Variants in MATN2 observed in about 807,000 individuals in gnomAD.
MATN2 encodes the protein matrilin-2.
A neutral mutation model predicts 103.2 loss-of-function variants in MATN2; 69 were observed. The observed-to-expected ratio is 0.67, with a 90% CI of 0.55 to 0.82. MATN2 has a LOEUF of 0.82. MATN2 is among the 40% of genes least tolerant of loss of function. The pLI is 0.00. For missense variants in MATN2, 1,023 were observed against 1,211.5 expected (o/e 0.84, Z 2.31); for synonymous variants, 429 against 450.2 (o/e 0.95, Z 0.60).
At chr8:97,875,546 C>G (rs919445943) in intron 1 of MATN2, among the ~76,000 whole-genome samples, 7 of 152,152 alleles carry the variant, frequency 4.6e-5, no homozygotes, top group African/African-American at 1.7e-4. Context: ...CCCATAGCCC[C>G]CTTTGGACCC....
chr8:97,915,407 T>C (rs967418487), intron 2 of MATN2, among the ~76,000 whole-genome samples: 2 of 152,214 alleles, frequency 1.3e-5, no homozygotes, highest in African/African-American at 4.8e-5. Flanking sequence ...AAAGAGGGGA[T>C]TCCTGCAATG....
rs755755140 is a variant in MATN2, at chr8:98,016,573, G to T, written c.1607G>T (p.Cys536Phe). 2 of 1,610,928 alleles carry T rather than the reference G, an allele frequency of 1.2e-6. No homozygotes were observed. Among genetic ancestry groups the T allele is most frequent in the Non-Finnish European group, 1.7e-6 (2 of 1,178,408 alleles). Residue 536 changes from cysteine (C) to phenylalanine (F), a missense_variant, in exon 11 of 19, where the codon TGT (cysteine) becomes TTT (phenylalanine). Transcript: ENST00000254898. ...TCTTGTGCTCTGGGGGACCACGGTT[G>T]TGAACATTCGTGTGTAAGCAGTGAA... ...LDSCALGDHG[C>F]EHSCVSSEDS...
At position 98,021,349 on chromosome 8, in the gene MATN2, C is replaced by T. The variant is rs765742249; in HGVS notation, c.1942+22C>T. ...AAGAGTAAGTGATCTGAACTTGGCT[C>T]TCTGCTTTAATTTTGTTTTGGAGCA... On this transcript the variant is annotated intron_variant, in intron 13 of 18. Transcript: ENST00000254898. 6 of 1,606,376 alleles carry T rather than the reference C, an allele frequency of 3.7e-6. No individual in the cohort carries two copies. In the East Asian group the frequency reaches 1.3e-4, roughly 36 times the overall value.
chr8:98,026,240 C>CT (rs1225744671), intron 13 of MATN2, among the ~76,000 whole-genome samples: 111 of 139,748 alleles, frequency 7.9e-4, no homozygotes, highest in African/African-American at 2.7e-3. Flanking sequence ...ATGGTGATAA[C>CT]TTTTTTTTTA....
intron 2 of MATN2, among the ~76,000 whole-genome samples, chr8:97,891,568 G>A (rs1013011177): frequency 2.0e-5 from 3 of 151,900 alleles, no homozygotes; most frequent in Non-Finnish European, 4.4e-5. Flanking sequence ...GAACTCCTGG[G>A]CTCAAGCGAT....
intron 2 of MATN2, among the ~76,000 whole-genome samples, chr8:97,912,297 G>A (rs1236234421): frequency 1.3e-5 from 2 of 152,172 alleles, no homozygotes; most frequent in South Asian, 2.1e-4. Context: ...ATTTGCAGAA[G>A]AGCCTAGAAA....
At chr8:97,875,690 G>GTTTTTTTTTTTTTT (rs763539274) in intron 1 of MATN2, among the ~76,000 whole-genome samples, 3 of 82,034 alleles carry the variant, frequency 3.7e-5, no homozygotes, top group Non-Finnish European at 4.4e-5. Flanking sequence ...GTATTTGCCT[G>GTTTTTTTTTTTTTT]TTTTTTTTTT....
At chr8:97,960,249 G>T (rs1474442136) in intron 4 of MATN2, among the ~76,000 whole-genome samples, 1 of 152,150 alleles carries the variant, frequency 6.6e-6, no homozygotes, top group East Asian at 1.9e-4. Flanking sequence ...GAGCTACCAC[G>T]CCCGGCCAGT....
chr8:97,926,753 G>T (rs1810001865), intron 2 of MATN2, among the ~76,000 whole-genome samples: 1 of 152,202 alleles, frequency 6.6e-6, no homozygotes, highest in Admixed American at 6.5e-5. Flanking sequence ...ATCTCCTCTA[G>T]AACATTTTGG....
intron 3 of MATN2, among the ~76,000 whole-genome samples, chr8:97,933,267 G>A (rs1810258523): frequency 6.6e-6 from 1 of 152,182 alleles, no homozygotes; most frequent in Non-Finnish European, 1.5e-5. Flanking sequence ...AAGTCAGCTG[G>A]AACACTTCAA....
At chr8:98,011,475 G>A (rs1813158098) in intron 10 of MATN2, among the ~76,000 whole-genome samples, 1 of 152,214 alleles carries the variant, frequency 6.6e-6, no homozygotes, top group Admixed American at 6.5e-5. Flanking sequence ...CCTGGTCGGG[G>A]AGTCAGTGGC....
At chr8:97,943,597 CTGAG>C (rs1810647742) in intron 4 of MATN2, among the ~76,000 whole-genome samples, 1 of 152,144 alleles carries the variant, frequency 6.6e-6, no homozygotes. Context: ...CCTCAGCCTC[CTGAG>C]TATCAGGGAC....
rs1374386188 is a variant in MATN2, at chr8:97,999,526, G to A, written c.1205-4135G>A. On this transcript the variant is annotated intron_variant, in intron 7 of 18. Coordinates refer to ENST00000254898, the MANE Select transcript of MATN2 (RefSeq NM_002380.5). ...GTGTTTGTCTGTCTGTCTGTGACTG[G>A]TGTTTTATTGCCAGGCCTATTTTCC... Among the ~76,000 whole-genome samples, 5 of 152,180 alleles carry A rather than the reference G, an allele frequency of 3.3e-5. No individual in the cohort carries two copies. The South Asian group carries it at 6.2e-4, about 19-fold the overall frequency.
At chr8:97,915,462 G>A (rs938725821) in intron 2 of MATN2, among the ~76,000 whole-genome samples, 3 of 152,180 alleles carry the variant, frequency 2.0e-5, no homozygotes. Flanking sequence ...AATTGTCTCC[G>A]AAGACAAACT....
chr8:97,979,405 C>G (rs1344406695), intron 6 of MATN2, among the ~76,000 whole-genome samples: 1 of 152,158 alleles, frequency 6.6e-6, no homozygotes, highest in Non-Finnish European at 1.5e-5. Context: ...AATCGCTGAG[C>G]CAAAAAGAAT....
chr8:97,910,826 G>C (rs1483783743), intron 2 of MATN2, among the ~76,000 whole-genome samples: 1 of 152,078 alleles, frequency 6.6e-6, no homozygotes, highest in Admixed American at 6.5e-5. Flanking sequence ...TAGTAAAATG[G>C]GGACAGTGGG....
chr8:97,884,259 G>T (rs1433790307), intron 1 of MATN2, among the ~76,000 whole-genome samples: 2 of 151,396 alleles, frequency 1.3e-5, no homozygotes, highest in African/African-American at 4.9e-5. Context: ...TCCTGCCTCA[G>T]CCTTCCAAGT....
At chr8:97,938,517 A>G (rs371614617) in intron 3 of MATN2, among the ~76,000 whole-genome samples, 10 of 152,210 alleles carry the variant, frequency 6.6e-5, no homozygotes, top group East Asian at 5.8e-4. Context: ...AGGAATGTTC[A>G]TCACAACACT....
At chr8:98,030,673 T>TG in intron 15 of MATN2, 59 bp downstream of exon 15, 2 of 1,547,566 alleles carry the variant, frequency 1.3e-6, no homozygotes, top group Non-Finnish European at 1.8e-6. Flanking sequence ...CCTTTTTTTT[T>TG]GTTTTTTGAG....
Sources: allele counts gnomAD v4.1 joint callset (sites outside exome capture counted in the v4.1 genomes callset), GRCh38; gene constraint gnomAD v4.1.1; transcripts MANE v1.5; gene names NCBI Gene and HGNC (gene_info 2026-07-23, HGNC 2026-07-21).